The following CSMD1 variants were observed in gnomAD, a reference collection of about 807,000 sequenced individuals.
The protein encoded by CSMD1 is CUB and sushi domain-containing protein 1.
CSMD1 carries 213 observed loss-of-function variants against 417.5 expected under a neutral mutation model. The observed-to-expected ratio is 0.51, with a 90% CI of 0.46 to 0.57. CSMD1 has a LOEUF of 0.57. CSMD1 is among the 20% of genes least tolerant of loss of function. The pLI, the probability that CSMD1 is intolerant of heterozygous loss-of-function variation, is 0.00. For synonymous variants in CSMD1, 2,862 were observed against 1,736.8 expected (o/e 1.65, Z -16.11); for missense variants, 6,923 against 4,529.7 (o/e 1.53, Z -15.17).
chr8:4,203,781 C>T (rs1700078), intron 3 of CSMD1, among the ~76,000 whole-genome samples: 148,143 of 152,234 alleles, frequency 0.97, 72,223 homozygotes, highest in Middle Eastern at 1. Flanking sequence ...TGTACATATA[C>T]ATAAGCTAAT....
chr8:4,652,609 G>A (rs1019288543), intron 1 of CSMD1, among the ~76,000 whole-genome samples: 15 of 151,922 alleles, frequency 9.9e-5, no homozygotes, highest in Non-Finnish European at 2.1e-4. Flanking sequence ...CCGAGATCAA[G>A]CCATTGCACC....
chr8:3,979,963 C>G (rs940782480), intron 5 of CSMD1, among the ~76,000 whole-genome samples: 4 of 152,180 alleles, frequency 2.6e-5, no homozygotes, highest in African/African-American at 9.7e-5. Context: ...CCAACACTGC[C>G]AAAGTTAAAT....
At chr8:3,366,043 T>A (rs746809680) in intron 20 of CSMD1, among the ~76,000 whole-genome samples, 4 of 152,198 alleles carry the variant, frequency 2.6e-5, no homozygotes, top group Non-Finnish European at 5.9e-5. Flanking sequence ...AAGGAATTTA[T>A]GAGATCTCAA....
At chr8:3,083,851 G>T (rs1477447908) in intron 49 of CSMD1, among the ~76,000 whole-genome samples, 1 of 150,624 alleles carries the variant, frequency 6.6e-6, no homozygotes, top group Non-Finnish European at 1.5e-5. Flanking sequence ...GTAGAGACAG[G>T]GTTTCACCAT....
At chr8:3,796,660 C>G (rs1351432351) in intron 5 of CSMD1, among the ~76,000 whole-genome samples, 1 of 149,130 alleles carries the variant, frequency 6.7e-6, no homozygotes, top group African/African-American at 2.5e-5. Flanking sequence ...ATATATCCAC[C>G]TATATATCTA....
chr8:3,482,386 C>G (rs1288107398), intron 11 of CSMD1, among the ~76,000 whole-genome samples: 1 of 152,024 alleles, frequency 6.6e-6, no homozygotes, highest in Non-Finnish European at 1.5e-5. Context: ...TAATATCTGA[C>G]AAAGTAGACT....
intron 8 of CSMD1, among the ~76,000 whole-genome samples, chr8:3,593,019 G>A (rs1474754699): frequency 6.6e-6 from 1 of 152,200 alleles, no homozygotes; most frequent in East Asian, 1.9e-4. Flanking sequence ...GCCTGTGCTT[G>A]GATATAGGCA....
chr8:3,788,557 G>A lies in CSMD1; in HGVS notation c.819-34515C>T, dbSNP rs185410811. On this transcript the variant is annotated intron_variant, in intron 5 of 69. Transcript: ENST00000635120. The stretch of plus-strand genomic sequence containing the variant: ...TATTTATTCAACCATCCATCCATCC[G>A]TCAATTAATTTAATGCATTAAATCT... Among the ~76,000 whole-genome samples the A allele has an allele frequency of 2.7e-4, 41 of 152,198 alleles. 2 individuals carry two copies. Among genetic ancestry groups the A allele is most frequent in the South Asian group, 6.2e-4 (3 of 4,810 alleles).
intron 1 of CSMD1, among the ~76,000 whole-genome samples, chr8:4,806,086 C>G (rs553291426): frequency 6.6e-6 from 1 of 152,166 alleles, no homozygotes; most frequent in Non-Finnish European, 1.5e-5. Context: ...GACCCACAAT[C>G]TCTAATTTTA....
At chr8:4,455,690 G>A (rs12335308) in intron 2 of CSMD1, among the ~76,000 whole-genome samples, 256 of 151,606 alleles carry the variant, frequency 1.7e-3, no homozygotes, top group African/African-American at 5.9e-3. Context: ...CAGCACTTTG[G>A]GAGGCCGAAG....
At chr8:4,063,012 T>G (rs1287026852) in intron 3 of CSMD1, among the ~76,000 whole-genome samples, 1 of 152,160 alleles carries the variant, frequency 6.6e-6, no homozygotes, top group Non-Finnish European at 1.5e-5. Context: ...TAAGAGATAC[T>G]GTTAGTTACA....
chr8:4,651,388 C>G (rs7465218), intron 1 of CSMD1, among the ~76,000 whole-genome samples: 36,203 of 152,092 alleles, frequency 0.24, 4,868 homozygotes, highest in East Asian at 0.4. Context: ...CATTCCTCCA[C>G]TGCTGTGCTG....
intron 1 of CSMD1, among the ~76,000 whole-genome samples, chr8:4,884,268 G>C (rs982465220): frequency 1.3e-5 from 2 of 151,612 alleles, no homozygotes; most frequent in Non-Finnish European, 2.9e-5. Context: ...ATTTTTTCTA[G>C]TTACAAGTAT....
At chr8:3,844,764 C>G (rs977494278) in intron 5 of CSMD1, among the ~76,000 whole-genome samples, 13 of 152,132 alleles carry the variant, frequency 8.5e-5, no homozygotes, top group Admixed American at 8.5e-4. Flanking sequence ...GACCTCAGAA[C>G]TTATGAGCGA....
At chr8:4,258,036 A>G (rs1803585521) in intron 3 of CSMD1, among the ~76,000 whole-genome samples, 1 of 151,816 alleles carries the variant, frequency 6.6e-6, no homozygotes, top group Admixed American at 6.6e-5. Context: ...ACAGCTGTGG[A>G]AGGGGGAAGC....
intron 54 of CSMD1, among the ~76,000 whole-genome samples, chr8:2,994,773 G>A (rs927481419): frequency 6.6e-6 from 1 of 151,774 alleles, no homozygotes; most frequent in Non-Finnish European, 1.5e-5. Flanking sequence ...TTTATTTTGG[G>A]TTAGAAACAT....
intron 10 of CSMD1, among the ~76,000 whole-genome samples, chr8:3,560,542 G>A (rs960715718): frequency 1.1e-4 from 16 of 152,146 alleles, no homozygotes; most frequent in Non-Finnish European, 2.1e-4. Context: ...AGAAAAGGCA[G>A]CTCCTCTGAG....
At chr8:4,289,915 G>A (rs1290047273) in intron 3 of CSMD1, among the ~76,000 whole-genome samples, 3 of 152,218 alleles carry the variant, frequency 2.0e-5, no homozygotes, top group Non-Finnish European at 2.9e-5. Context: ...ACCTCTGAGT[G>A]CAAGTGAGTA....
At chr8:4,079,436 A>C (rs764427782) in intron 3 of CSMD1, among the ~76,000 whole-genome samples, 2 of 152,200 alleles carry the variant, frequency 1.3e-5, no homozygotes, top group Non-Finnish European at 2.9e-5. Context: ...GATATAGAAC[A>C]CCATCAGGCA....
Sources: allele counts gnomAD v4.1 joint callset (sites outside exome capture counted in the v4.1 genomes callset), GRCh38; gene constraint gnomAD v4.1.1; transcripts MANE v1.5; gene names NCBI Gene and HGNC (gene_info 2026-07-23, HGNC 2026-07-21).